The following KHDRBS2 variants were observed in gnomAD, a reference collection of about 807,000 sequenced individuals.
KHDRBS2 encodes the protein KH RNA binding domain containing, signal transduction associated 2.
In KHDRBS2, 26 loss-of-function variants were observed where a neutral mutation model predicts 44.3. The observed-to-expected ratio is 0.59, with a 90% CI of 0.43 to 0.81. The LOEUF (loss-of-function observed/expected upper bound fraction) is 0.81. Among genes scored for constraint, KHDRBS2 ranks in the 40% least tolerant of loss-of-function variants. The pLI, the probability that KHDRBS2 is intolerant of heterozygous loss-of-function variation, is 0.00. For synonymous variants in KHDRBS2, 194 were observed against 151.1 expected (o/e 1.28, Z -2.08); for missense variants, 476 against 433.1 (o/e 1.10, Z -0.88).
the KHDRBS2 span, among the ~76,000 whole-genome samples, chr6:61,546,810 G>C: frequency 5.4e-4 from 82 of 152,162 alleles, no homozygotes; most frequent in Non-Finnish European, 9.3e-4. Context: ...GACTGCTTTT[G>C]TACCACATCG....
chr6:61,623,477 C>G, the KHDRBS2 span, among the ~76,000 whole-genome samples: 13 of 152,288 alleles, frequency 8.5e-5, no homozygotes, highest in Non-Finnish European at 1.5e-4. Context: ...TTGCTGAGCC[C>G]TGATAGAGAC....
chr6:61,711,429 T>A (rs1379259281), intron 7 of KHDRBS2, among the ~76,000 whole-genome samples: 2 of 151,788 alleles, frequency 1.3e-5, no homozygotes, highest in African/African-American at 4.8e-5. Context: ...AACAACAAGG[T>A]GAAATGTCAC....
the KHDRBS2 span, among the ~76,000 whole-genome samples, chr6:61,653,836 GTATACAGAAAAA>G: frequency 1.3e-5 from 2 of 151,872 alleles, no homozygotes; most frequent in African/African-American, 4.8e-5. Context: ...AATAGGACGG[GTATACAGAAAAA>G]TGGTGAAAAA....
chr6:62,024,625 T>A (rs1782964225), intron 3 of KHDRBS2, among the ~76,000 whole-genome samples: 1 of 151,640 alleles, frequency 6.6e-6, no homozygotes, highest in African/African-American at 2.4e-5. Flanking sequence ...AGATCATTAA[T>A]CTTTTATGGT....
intron 1 of KHDRBS2, among the ~76,000 whole-genome samples, chr6:62,216,236 T>C (rs1169695606): frequency 6.6e-6 from 1 of 151,734 alleles, no homozygotes; most frequent in Non-Finnish European, 1.5e-5. Context: ...AATCACTGTA[T>C]GAAAAAATTT....
intron 3 of KHDRBS2, among the ~76,000 whole-genome samples, chr6:61,999,610 A>G (rs2127257461): frequency 6.6e-6 from 1 of 152,276 alleles, no homozygotes; most frequent in South Asian, 2.1e-4. Context: ...GCTTAAAAGT[A>G]CAAATATTTT....
intron 4 of KHDRBS2, among the ~76,000 whole-genome samples, chr6:61,976,049 T>C (rs1772578361): frequency 6.6e-6 from 1 of 152,168 alleles, no homozygotes; most frequent in South Asian, 2.1e-4. Context: ...GATGAAATCA[T>C]AGAGGTAGGC....
intron 4 of KHDRBS2, among the ~76,000 whole-genome samples, chr6:61,969,685 A>C (rs1167662314): frequency 6.6e-6 from 1 of 152,060 alleles, no homozygotes; most frequent in East Asian, 1.9e-4. Context: ...GAGGATTAAA[A>C]TGTAATTTAT....
At chr6:61,657,084 T>A in the KHDRBS2 span, among the ~76,000 whole-genome samples, 1 of 151,962 alleles carries the variant, frequency 6.6e-6, no homozygotes, top group Admixed American at 6.6e-5. Flanking sequence ...GAGAGTAGAT[T>A]ACAGGAATCC....
chr6:61,936,234 A>ACATTT (rs1183348732), intron 4 of KHDRBS2, among the ~76,000 whole-genome samples: 1 of 152,026 alleles, frequency 6.6e-6, no homozygotes, highest in African/African-American at 2.4e-5. Flanking sequence ...TAGATTGATC[A>ACATTT]CATTTTCTTT....
At chr6:61,588,764 C>T in the KHDRBS2 span, among the ~76,000 whole-genome samples, 1 of 152,014 alleles carries the variant, frequency 6.6e-6, no homozygotes, top group South Asian at 2.1e-4. Context: ...TGTACTCCAG[C>T]ATGGCTGACA....
At chr6:61,816,130 A>G (rs1406139625) in intron 6 of KHDRBS2, among the ~76,000 whole-genome samples, 1 of 152,166 alleles carries the variant, frequency 6.6e-6, no homozygotes, top group East Asian at 1.9e-4. Flanking sequence ...AATTACACAT[A>G]GTGCTTACAA....
At chr6:61,688,518 C>T (rs1767052798) in intron 8 of KHDRBS2, among the ~76,000 whole-genome samples, 1 of 151,866 alleles carries the variant, frequency 6.6e-6, no homozygotes, top group Non-Finnish European at 1.5e-5. Context: ...AATTCCAATA[C>T]TCCCTTTAAC....
intron 6 of KHDRBS2, among the ~76,000 whole-genome samples, chr6:61,821,678 A>G (rs559163451): frequency 6.6e-6 from 1 of 152,060 alleles, no homozygotes; most frequent in Admixed American, 6.6e-5. Flanking sequence ...TTACTGCTGC[A>G]ATAAAGTTTT....
At chr6:61,546,884 T>TATTC in the KHDRBS2 span, among the ~76,000 whole-genome samples, 1 of 152,136 alleles carries the variant, frequency 6.6e-6, no homozygotes, top group Non-Finnish European at 1.5e-5. Context: ...CAATAATTTG[T>TATTC]ATTCATTCAT....
At chr6:62,140,163 T>C (rs1457353441) in intron 2 of KHDRBS2, among the ~76,000 whole-genome samples, 2 of 152,164 alleles carry the variant, frequency 1.3e-5, no homozygotes, top group Non-Finnish European at 2.9e-5. Flanking sequence ...CCAAATTTCT[T>C]AGCAATATCT....
At chr6:62,035,132 C>G (rs1355339433) in intron 3 of KHDRBS2, among the ~76,000 whole-genome samples, 3 of 151,992 alleles carry the variant, frequency 2.0e-5, no homozygotes, top group Non-Finnish European at 4.4e-5. Flanking sequence ...AGCAATCCCA[C>G]TGCTGGGTAC....
intron 6 of KHDRBS2, among the ~76,000 whole-genome samples, chr6:61,876,477 T>C (rs547822162): frequency 6.7e-6 from 1 of 149,432 alleles, no homozygotes; most frequent in African/African-American, 2.4e-5. Context: ...TTATAGAATA[T>C]TGGTATTAGT....
At chr6:61,780,984 A>G (rs1486210900) in intron 6 of KHDRBS2, among the ~76,000 whole-genome samples, 4 of 152,212 alleles carry the variant, frequency 2.6e-5, no homozygotes, top group African/African-American at 9.7e-5. Context: ...GTTATAAAAG[A>G]AAATGGCCTT....
Sources: gnomAD v4.1 joint callset for allele counts (sites outside exome capture counted in the v4.1 genomes callset) on GRCh38, gnomAD v4.1.1 for gene constraint, MANE v1.5 for transcripts, NCBI Gene and HGNC (gene_info 2026-07-23, HGNC 2026-07-21) for gene names.